PPM1A: variants seen among roughly 807,000 people sequenced by gnomAD.
The protein encoded by PPM1A is protein phosphatase 1A.
PPM1A carries 7 observed loss-of-function variants against 35.0 expected under a neutral mutation model. The ratio of observed to expected loss-of-function variants is 0.20; its 90% confidence interval spans 0.11 to 0.38. The LOEUF (loss-of-function observed/expected upper bound fraction) is 0.38, where lower values mean the gene tolerates loss of function less well. Among genes scored for constraint, PPM1A ranks in the 10% least tolerant of loss-of-function variants. The probability of loss-of-function intolerance (pLI) is 1.00; values close to 1 mark genes in which losing one functional copy is unlikely to be tolerated. For missense variants in PPM1A, 239 were observed against 467.8 expected (o/e 0.51, Z 4.51); for synonymous variants, 153 against 167.3 (o/e 0.91, Z 0.66).
At position 60,294,811 on chromosome 14, in the gene PPM1A, T is replaced by A. The variant is rs1361589110; in HGVS notation, c.*2329T>A. On this transcript the variant is annotated 3_prime_UTR_variant, in exon 6 of 6. Transcript: ENST00000395076. ...GCTTGGACACGAGAGAGAACCGTAT[T>A]TGAGTGATGTGAGAAGACTAAATCT... The A allele has an allele frequency of 1.3e-5, 2 of 151,704 alleles. No homozygotes were observed. Among genetic ancestry groups the A allele is most frequent in the African/African-American group, 4.8e-5 (2 of 41,376 alleles). 9.4% of individuals were successfully genotyped at this position (151,704 alleles called of 1,614,324 possible).
chr14:60,250,292 C>T (rs1882229466), intron 1 of PPM1A: 1 of 294,530 alleles, frequency 3.4e-6, no homozygotes, highest in Non-Finnish European at 5.0e-6. Flanking sequence ...GAAGTAAATT[C>T]CGATTTCTTA....
chr14:60,276,216 C>T (rs914808595), intron 1 of PPM1A, among the ~76,000 whole-genome samples: 13 of 152,144 alleles, frequency 8.5e-5, no homozygotes, highest in Admixed American at 3.9e-4. Flanking sequence ...AGAGAGTTTA[C>T]GCTCTACATC....
At chr14:60,263,489 T>C (rs1214096123) in intron 1 of PPM1A, among the ~76,000 whole-genome samples, 1 of 152,222 alleles carries the variant, frequency 6.6e-6, no homozygotes, top group Non-Finnish European at 1.5e-5. Context: ...TCTATTTAAC[T>C]CATCCTTTGA....
Position 60,294,655 on chromosome 14 carries a change from G to C in PPM1A, c.*2173G>C, listed in dbSNP as rs982739310. ...TAATCTTTTGAGATGCAAAACTTAAGTCACAAGTAGAGTATGTGATGGAAA... is the reference window on the plus strand; with the variant it reads ...TAATCTTTTGAGATGCAAAACTTAACTCACAAGTAGAGTATGTGATGGAAA... On this transcript the variant is annotated 3_prime_UTR_variant, in exon 6 of 6. Transcript: ENST00000395076. 2 of 151,450 alleles carry C rather than the reference G, an allele frequency of 1.3e-5. No individual in the cohort carries two copies. Among genetic ancestry groups the C allele is most frequent in the Admixed American group, 1.3e-4 (2 of 15,160 alleles). The allele number at this position is 151,450 out of a possible 1,614,324, so 9.4% of individuals were successfully genotyped here. A position where few individuals can be genotyped will look rare whatever the true frequency, so the allele number is the denominator to read the frequency against.
chr14:60,268,214 T>C (rs149047648), intron 1 of PPM1A: 1 of 820,292 alleles, frequency 1.2e-6, no homozygotes, highest in Non-Finnish European at 1.5e-6. Context: ...GGTTCTTTAG[T>C]CTTTTTGCAT....
At chr14:60,286,932 A>C (rs184048073) in intron 3 of PPM1A, 1 of 905,056 alleles carries the variant, frequency 1.1e-6, no homozygotes, top group Non-Finnish European at 1.3e-6. Context: ...TAATCATTCA[A>C]TATAAGTTAT....
chr14:60,263,650 T>C (rs1372928418), intron 1 of PPM1A, among the ~76,000 whole-genome samples: 2 of 152,208 alleles, frequency 1.3e-5, no homozygotes, highest in African/African-American at 4.8e-5. Context: ...TAGGTAGTTT[T>C]TCAACCCTCA....
In PPM1A at chr14:60,249,452, T is replaced by C. The variant is rs1882049560; in HGVS notation, c.-246T>C. ...CTCCGGGACCCGCTCTCTGCCTCCC[T>C]CTCCAACGCCCGGATGATCTGAGCC... On this transcript the variant is annotated 5_prime_UTR_variant, in exon 1 of 6. Transcript: ENST00000395076. The surrounding 1 kb of genome is among the most constrained non-coding windows in gnomAD (Gnocchi z 4.5). 7 of 985,018 alleles carry C rather than the reference T, an allele frequency of 7.1e-6. No homozygotes were observed. Among genetic ancestry groups the C allele is most frequent in the Non-Finnish European group, 7.2e-6 (6 of 830,344 alleles). 61.0% of individuals were successfully genotyped at this position (985,018 alleles called of 1,614,324 possible).
At chr14:60,276,408 T>C (rs186286447) in intron 1 of PPM1A, among the ~76,000 whole-genome samples, 4 of 152,282 alleles carry the variant, frequency 2.6e-5, no homozygotes, top group Admixed American at 2.6e-4. Context: ...TAGATTTTTC[T>C]CCCAAATGTT....
intron 3 of PPM1A, chr14:60,286,581 G>C (rs775136954): frequency 1.0e-6 from 1 of 985,090 alleles, no homozygotes; most frequent in Non-Finnish European, 1.2e-6. Context: ...TCCTAATGTC[G>C]TTAATTTGCA....
Position 60,292,582 on chromosome 14 carries a change from G to C in PPM1A, c.*100G>C, listed in dbSNP as rs1887756407. On this transcript the variant is annotated 3_prime_UTR_variant, in exon 6 of 6. Coordinates refer to ENST00000395076, the MANE Select transcript of PPM1A (RefSeq NM_021003.5). The surrounding 1 kb of genome is among the most constrained non-coding windows in gnomAD (Gnocchi z 4.2). ...CATCCATCCTCAACTTTAAGGAAGG[G>C]GATATGACATGGGTGAGAATGATTA... 9.6e-7 allele frequency: 1 copy of C among 1,036,494 alleles called. No homozygotes were observed. Among genetic ancestry groups the C allele is most frequent in the East Asian group, 2.5e-5 (1 of 40,770 alleles). 64.2% of individuals were successfully genotyped at this position (1,036,494 alleles called of 1,614,324 possible). A position where few individuals can be genotyped will look rare whatever the true frequency, so the allele number is the denominator to read the frequency against.
chr14:60,285,430 T>C lies in PPM1A; in HGVS notation c.835-194T>C, dbSNP rs536956437. Among the ~76,000 whole-genome samples the C allele has an allele frequency of 3.7e-4, 56 of 152,180 alleles. 1 individual carries two copies. In the South Asian group the frequency reaches 0.012, roughly 32 times the overall value. ...GGAGTATTGGTTATACTGTATTCTC[T>C]CTATACTGTTCGGGGGAGGGGGAGT... On this transcript the variant is annotated intron_variant, in intron 2 of 5. Coordinates refer to ENST00000395076, the MANE Select transcript of PPM1A (RefSeq NM_021003.5).
intron 1 of PPM1A, among the ~76,000 whole-genome samples, chr14:60,262,764 C>A (rs971394599): frequency 2.6e-5 from 4 of 152,162 alleles, no homozygotes; most frequent in Non-Finnish European, 4.4e-5. Context: ...AAATATAAAT[C>A]ATGAATATAG....
At chr14:60,269,829 G>A (rs765506269) in intron 1 of PPM1A, among the ~76,000 whole-genome samples, 79 of 152,188 alleles carry the variant, frequency 5.2e-4, no homozygotes, top group Non-Finnish European at 9.7e-4. Flanking sequence ...GATTATAGGC[G>A]TGAGCCATCG....
At chr14:60,252,549 G>C (rs1490239429) in intron 1 of PPM1A, among the ~76,000 whole-genome samples, 1 of 152,170 alleles carries the variant, frequency 6.6e-6, no homozygotes, top group African/African-American at 2.4e-5. Context: ...GGTATAGTGA[G>C]GCAACTGGGT....
In PPM1A at chr14:60,273,669, T is replaced by C. The variant is rs187053366; in HGVS notation, c.-20-9015T>C. ...GATGCCAGGATCCACGTGAAGAGAC[T>C]AAAGACGCTAGTATTCTGCAGTGAG... is the stretch of plus-strand genomic sequence containing the variant. On this transcript the variant is annotated intron_variant, in intron 1 of 5. Transcript: ENST00000395076. This position sits in a 1 kb window ranked among gnomAD's most constrained non-coding sequence, Gnocchi z 4.3. 6.6e-6 allele frequency among the ~76,000 whole-genome samples: 1 copy of C among 152,264 alleles called. No homozygotes were observed. The highest frequency in any genetic ancestry group is 1.9e-4 in the East Asian group (1 of 5,178).
At chr14:60,265,034 T>C (rs547513336) in intron 1 of PPM1A, among the ~76,000 whole-genome samples, 1 of 152,336 alleles carries the variant, frequency 6.6e-6, no homozygotes, top group South Asian at 2.1e-4. Flanking sequence ...CAGTCTCCTA[T>C]TGACTGGAAG....
intron 1 of PPM1A, among the ~76,000 whole-genome samples, chr14:60,267,992 A>G (rs1024962898): frequency 3.3e-5 from 5 of 152,164 alleles, no homozygotes; most frequent in South Asian, 2.1e-4. Context: ...TTACATAACC[A>G]TAGTTCAATT....
chr14:60,270,917 C>T (rs1345332028), intron 1 of PPM1A, among the ~76,000 whole-genome samples: 2 of 152,172 alleles, frequency 1.3e-5, no homozygotes, highest in Non-Finnish European at 2.9e-5. Context: ...GACTATTGGG[C>T]ATTCTGCTAA....
Sources: allele counts gnomAD v4.1 joint callset (sites outside exome capture counted in the v4.1 genomes callset), GRCh38; gene constraint gnomAD v4.1.1; non-coding constraint Gnocchi (gnomAD v3.1); transcripts MANE v1.5; gene names NCBI Gene and HGNC (gene_info 2026-07-23, HGNC 2026-07-21).